The following AUTS2 variants were observed in gnomAD, a reference collection of about 807,000 sequenced individuals.
The protein encoded by AUTS2 is autism susceptibility gene 2 protein.
Under a neutral mutation model 112.4 loss-of-function variants are expected in AUTS2, and 17 were observed. That is an observed-to-expected ratio of 0.15 (90% confidence interval 0.10 to 0.23). The LOEUF (loss-of-function observed/expected upper bound fraction) is 0.23. AUTS2 is among the 10% of genes least tolerant of loss of function. The probability of loss-of-function intolerance (pLI) is 1.00; values close to 1 mark genes in which losing one functional copy is unlikely to be tolerated. For synonymous variants in AUTS2, 751 were observed against 702.7 expected, an observed-to-expected ratio of 1.07 and a Z score of -1.09; for missense variants, 1,510 against 1,701.6, an observed-to-expected ratio of 0.89 and a Z score of 1.98.
chr7:70,221,625 G>A (rs1471088913), intron 4 of AUTS2, among the ~76,000 whole-genome samples: 4 of 152,126 alleles, frequency 2.6e-5, no homozygotes, highest in Non-Finnish European at 1.5e-5. Context: ...GGTGACTCAC[G>A]CCTGTATTCC....
intron 1 of AUTS2, among the ~76,000 whole-genome samples, chr7:69,704,514 G>A (rs998516928): frequency 3.3e-5 from 5 of 152,054 alleles, no homozygotes; most frequent in African/African-American, 1.2e-4. Flanking sequence ...TTCTGACCTC[G>A]TGATCTGCCC....
intron 5 of AUTS2, among the ~76,000 whole-genome samples, chr7:70,615,058 A>G (rs1043879765): frequency 1.3e-5 from 2 of 152,206 alleles, no homozygotes; most frequent in Admixed American, 6.5e-5. Flanking sequence ...CGAACGCTGG[A>G]TGAAGAACAA....
At chr7:69,873,180 A>G (rs917308997) in intron 1 of AUTS2, among the ~76,000 whole-genome samples, 1 of 152,134 alleles carries the variant, frequency 6.6e-6, no homozygotes, top group Non-Finnish European at 1.5e-5. Context: ...AGGAAAAAAG[A>G]TTAATGTTCC....
chr7:70,218,939 C>T (rs1208488886), intron 4 of AUTS2, among the ~76,000 whole-genome samples: 1 of 151,678 alleles, frequency 6.6e-6, no homozygotes, highest in Non-Finnish European at 1.5e-5. Flanking sequence ...AATCTTGATA[C>T]TCAAGAAAAA....
chr7:69,728,511 T>C (rs1786627636), intron 1 of AUTS2, among the ~76,000 whole-genome samples: 1 of 152,220 alleles, frequency 6.6e-6, no homozygotes, highest in Non-Finnish European at 1.5e-5. Flanking sequence ...TAATGTAATG[T>C]CTTTAGACAA....
intron 6 of AUTS2, among the ~76,000 whole-genome samples, chr7:70,701,325 G>A (rs1809445769): frequency 6.6e-6 from 1 of 152,194 alleles, no homozygotes; most frequent in Non-Finnish European, 1.5e-5. Context: ...AGGGGCCGTG[G>A]CTCGAGGCCC....
intron 5 of AUTS2, among the ~76,000 whole-genome samples, chr7:70,645,312 C>G (rs1806095256): frequency 6.6e-6 from 1 of 150,744 alleles, no homozygotes. Context: ...CTCCCCAGAC[C>G]CCTCTCTTCC....
chr7:69,856,809 C>T (rs761612769), intron 1 of AUTS2, among the ~76,000 whole-genome samples: 5 of 152,258 alleles, frequency 3.3e-5, no homozygotes, highest in African/African-American at 7.2e-5. Context: ...GTTGGATCAG[C>T]GGATTCAGTG....
intron 10 of AUTS2, chr7:70,771,281 A>T (rs367878907): frequency 3.8e-6 from 1 of 265,772 alleles, no homozygotes; most frequent in Non-Finnish European, 7.1e-6. Flanking sequence ...TGATTTAACA[A>T]TTAATAATTA....
Position 69,899,266 on chromosome 7 carries a change from C to T in AUTS2, c.310-20C>T. The stretch of plus-strand genomic sequence containing the variant: ...ACCTTTGTAACCACCACTTCCCTTT[C>T]CTTCTCTTCTTTTCTACAGAAAGAT... On this transcript the variant is annotated intron_variant, in intron 1 of 18. Coordinates refer to ENST00000342771, the MANE Select transcript of AUTS2 (RefSeq NM_015570.4). The T allele has an allele frequency of 6.3e-7, 1 of 1,594,068 alleles. No individual in the cohort carries two copies. The highest frequency in any genetic ancestry group is 8.6e-7 in the Non-Finnish European group (1 of 1,161,976).
chr7:70,276,295 T>C (rs965692295), intron 4 of AUTS2, among the ~76,000 whole-genome samples: 2 of 152,204 alleles, frequency 1.3e-5, no homozygotes, highest in African/African-American at 4.8e-5. Context: ...CAACAAAACT[T>C]TCTTATTTGC....
chr7:70,435,849 A>T, intron 5 of AUTS2, 68 bp downstream of exon 5: 1 of 1,536,408 alleles, frequency 6.5e-7, no homozygotes, highest in Non-Finnish European at 9.0e-7. Context: ...CCTCCCACAC[A>T]CAGCTGCAGG....
intron 3 of AUTS2, among the ~76,000 whole-genome samples, chr7:70,121,401 AAGAC>A (rs1237995059): frequency 1.3e-5 from 2 of 152,148 alleles, no homozygotes; most frequent in East Asian, 1.9e-4. Flanking sequence ...AGAAAGTAAA[AAGAC>A]AGCCTACAAA....
At chr7:69,986,068 A>G (rs1798503109) in intron 2 of AUTS2, among the ~76,000 whole-genome samples, 1 of 152,150 alleles carries the variant, frequency 6.6e-6, no homozygotes, top group African/African-American at 2.4e-5. Context: ...CAGCCGCTTT[A>G]CTTATGTCTT....
At chr7:69,728,966 T>C (rs573329990) in intron 1 of AUTS2, among the ~76,000 whole-genome samples, 42 of 152,268 alleles carry the variant, frequency 2.8e-4, no homozygotes, top group Non-Finnish European at 5.3e-4. Context: ...GAAAATCCTT[T>C]AGTGAGCTAG....
chr7:70,771,309 A>C lies in AUTS2; in HGVS notation c.1735-240A>C, dbSNP rs1790323384. 4 of 343,934 alleles carry C rather than the reference A, an allele frequency of 1.2e-5. No homozygotes were observed. In the Admixed American group the frequency reaches 1.8e-4, roughly 16 times the overall value. The allele number at this position is 343,934 out of a possible 1,614,324, so 21.3% of individuals were successfully genotyped here. On this transcript the variant is annotated intron_variant, in intron 10 of 18. Coordinates refer to ENST00000342771, the MANE Select transcript of AUTS2 (RefSeq NM_015570.4). ...AATAATTAGAAAAGCTCCCTTTCTA[A>C]TGATGCCCTCACCCGGGATGTCATT... is the stretch of plus-strand genomic sequence containing the variant.
At chr7:69,880,528 A>C (rs1308998834) in intron 1 of AUTS2, among the ~76,000 whole-genome samples, 1 of 152,072 alleles carries the variant, frequency 6.6e-6, no homozygotes, top group Non-Finnish European at 1.5e-5. Flanking sequence ...GATGCTTCAA[A>C]CCCCTGACTA....
At chr7:70,163,460 T>TC (rs1808224201) in intron 4 of AUTS2, among the ~76,000 whole-genome samples, 1 of 151,008 alleles carries the variant, frequency 6.6e-6, no homozygotes, top group African/African-American at 2.4e-5. Context: ...TCATGCCCAT[T>TC]CCCCAGACAC....
chr7:70,288,961 A>G (rs1232586597), intron 4 of AUTS2, among the ~76,000 whole-genome samples: 1 of 152,198 alleles, frequency 6.6e-6, no homozygotes, highest in Non-Finnish European at 1.5e-5. Flanking sequence ...CTTTTAATCT[A>G]CCCAGGACCC....
Sources: gnomAD v4.1 joint callset for allele counts (sites outside exome capture counted in the v4.1 genomes callset) on GRCh38, gnomAD v4.1.1 for gene constraint, MANE v1.5 for transcripts, NCBI Gene and HGNC (gene_info 2026-07-23, HGNC 2026-07-21) for gene names.